Variants in ELMOD2 observed in about 807,000 individuals in gnomAD.
ELMOD2 encodes ELMO domain-containing protein 2.
Under a neutral mutation model 41.0 loss-of-function variants are expected in ELMOD2, and 28 were observed. That is an observed-to-expected ratio of 0.68 (90% confidence interval 0.51 to 0.94). The LOEUF is 0.94. Ranked by LOEUF, ELMOD2 falls within the 40% of genes least tolerant of loss-of-function variation. The pLI, the probability that ELMOD2 is intolerant of heterozygous loss-of-function variation, is 0.00. For missense variants in ELMOD2, 333 were observed against 343.1 expected (o/e 0.97, Z 0.23); for synonymous variants, 106 against 107.2 (o/e 0.99, Z 0.07).
chr4:140,547,396 T>G (rs1488682561), intron 8 of ELMOD2, among the ~76,000 whole-genome samples: 1 of 152,138 alleles, frequency 6.6e-6, no homozygotes, highest in African/African-American at 2.4e-5. Context: ...GCCATGATTC[T>G]GGGAAGTTAC....
intron 8 of ELMOD2, among the ~76,000 whole-genome samples, chr4:140,547,637 C>T (rs1735333488): frequency 6.6e-6 from 1 of 152,126 alleles, no homozygotes; most frequent in African/African-American, 2.4e-5. Context: ...CTTAAATATA[C>T]ACTTAAATGG....
Position 140,542,627 on chromosome 4 carries a change from A to G in ELMOD2, c.587A>G (p.Asn196Ser), listed in dbSNP as rs1735144974. The G allele has an allele frequency of 2.5e-6, 4 of 1,606,258 alleles. No individual in the cohort carries two copies. The East Asian group carries it at 6.7e-5, about 27-fold the overall frequency. Residue 196 changes from asparagine (N) to serine (S), a missense_variant, in exon 7 of 9, where the codon AAT becomes AGT. Coordinates refer to ENST00000323570, the MANE Select transcript of ELMOD2 (RefSeq NM_153702.4). ...GCTCATCAGATTCTTTCCCGTTCAA[A>G]TCATCCAAAATTAGGGTAAGCTGGG... ...SEAHQILSRS[N>S]HPKLGYSYAI...
chr4:140,549,148 T>G (rs1230752515), intron 8 of ELMOD2, among the ~76,000 whole-genome samples: 1 of 152,186 alleles, frequency 6.6e-6, no homozygotes. Context: ...AATCATGCAG[T>G]TTTTACTCAT....
intron 2 of ELMOD2, among the ~76,000 whole-genome samples, chr4:140,527,156 T>G (rs1191066433): frequency 6.6e-6 from 1 of 152,198 alleles, no homozygotes; most frequent in East Asian, 1.9e-4. Context: ...CCTGAGCTAC[T>G]GTGACACAAT....
chr4:140,546,059 C>CA (rs200055306), intron 8 of ELMOD2, among the ~76,000 whole-genome samples: 263 of 152,260 alleles, frequency 1.7e-3, no homozygotes, highest in African/African-American at 5.9e-3. Context: ...CGGCACTACT[C>CA]ACAATAGCAA....
At chr4:140,540,841 T>TTAC (rs1399130416) in intron 6 of ELMOD2, among the ~76,000 whole-genome samples, 1 of 152,200 alleles carries the variant, frequency 6.6e-6, no homozygotes, top group African/African-American at 2.4e-5. Flanking sequence ...TGATTTCCAT[T>TTAC]CTGATACCTC....
At chr4:140,537,779 A>G (rs964851029) in intron 5 of ELMOD2, among the ~76,000 whole-genome samples, 22 of 150,618 alleles carry the variant, frequency 1.5e-4, no homozygotes, top group African/African-American at 5.3e-4. Flanking sequence ...ATTTATATGA[A>G]TAAATATATT....
chr4:140,532,691 G>A (rs1560825657), intron 3 of ELMOD2, among the ~76,000 whole-genome samples: 1 of 152,164 alleles, frequency 6.6e-6, no homozygotes, highest in Non-Finnish European at 1.5e-5. Context: ...ATTATTGAAT[G>A]CTCACCACAT....
chr4:140,542,500 T>G, intron 6 of ELMOD2, 74 bp from the exon 7 acceptor site: 4 of 1,135,866 alleles, frequency 3.5e-6, no homozygotes, highest in Non-Finnish European at 5.1e-6. Flanking sequence ...TGACAGTAGC[T>G]TTTTAAATTG....
Position 140,542,047 on chromosome 4 carries a change from C to T in ELMOD2, c.534-527C>T, listed in dbSNP as rs572661125. On this transcript the variant is annotated intron_variant, in intron 6 of 8. Coordinates refer to ENST00000323570, the MANE Select transcript of ELMOD2 (RefSeq NM_153702.4). ...GCCTACAAATAGATAGTTTCATATACATCTCTCTTATACTGCTAATACTTC... is the reference window on the plus strand; with the variant it reads ...GCCTACAAATAGATAGTTTCATATATATCTCTCTTATACTGCTAATACTTC... Among the ~76,000 whole-genome samples, 5 of 152,098 alleles carry T rather than the reference C, an allele frequency of 3.3e-5. No homozygotes were observed. In the East Asian group the frequency reaches 5.8e-4, roughly 18 times the overall value.
chr4:140,546,347 GA>G lies in ELMOD2; in HGVS notation c.736+2762del, dbSNP rs1408165593. On this transcript the variant is annotated intron_variant, in intron 8 of 8. Transcript: ENST00000323570. ...ACCGGGGCCTGTTGTGGGGTTGGGG[GA>G]GTGGGGAGGGTTAGCATTAGGAGAT... Among the ~76,000 whole-genome samples the G allele has an allele frequency of 4.3e-3, 649 of 150,732 alleles. 3 individuals are homozygous for G. Among genetic ancestry groups the G allele is most frequent in the South Asian group, 0.014 (64 of 4,662 alleles).
At chr4:140,549,269 T>C (rs1487220531) in intron 8 of ELMOD2, among the ~76,000 whole-genome samples, 1 of 152,210 alleles carries the variant, frequency 6.6e-6, no homozygotes, top group African/African-American at 2.4e-5. Flanking sequence ...CTGAACAATA[T>C]TCCATTATAT....
rs1359702285 is a variant in ELMOD2 at position 140,525,586 on chromosome 4, A to T, written c.142+16A>T. ...CACAGGATAGGTAATGTTATTCAAA[A>T]AGAAAAAGTACTAATAAAAGTTTAA... On this transcript the variant is annotated intron_variant, in intron 2 of 8. Transcript: ENST00000323570. 1.3e-6 allele frequency: 2 copies of T among 1,586,904 alleles called. No individual in the cohort carries two copies. Among genetic ancestry groups the T allele is most frequent in the Non-Finnish European group, 1.7e-6 (2 of 1,172,014 alleles).
In ELMOD2 at chr4:140,537,521, C is replaced by G; in HGVS notation, c.379C>G (p.His127Asp). 1 of 1,598,238 alleles carries G rather than the reference C, an allele frequency of 6.3e-7. No homozygotes were observed. Among genetic ancestry groups the G allele is most frequent in the Non-Finnish European group, 8.5e-7 (1 of 1,174,056 alleles). The change falls in exon 5 of 9, where the codon CAT (histidine) becomes GAT (aspartate). Residue 127 changes from histidine to aspartate, a missense_variant. His to Asp is a moderately conservative substitution (Grantham distance 81). Coordinates refer to ENST00000323570, the MANE Select transcript of ELMOD2 (RefSeq NM_153702.4). ...KRPYDSDNLQHEELLMKLWNL... is the reference protein window; with the variant it reads ...KRPYDSDNLQDEELLMKLWNL... ...GCCATATGATTCTGATAACCTACAGCATGAAGAGCTACTCATGAAGGTAAA... is the reference window on the plus strand; with the variant it reads ...GCCATATGATTCTGATAACCTACAGGATGAAGAGCTACTCATGAAGGTAAA...
chr4:140,531,922 A>G (rs1173441460), intron 3 of ELMOD2, among the ~76,000 whole-genome samples: 1 of 152,222 alleles, frequency 6.6e-6, no homozygotes, highest in Non-Finnish European at 1.5e-5. Flanking sequence ...TCACTAGTGA[A>G]GTGTTAAACA....
At chr4:140,524,590 T>G (rs1734491216) in intron 1 of ELMOD2, 1 of 985,352 alleles carries the variant, frequency 1.0e-6, no homozygotes. Flanking sequence ...CCAGCTGTGC[T>G]ATGCGCTCTT....
At chr4:140,535,954 C>T (rs1560827734) in intron 4 of ELMOD2, 124 bp downstream of exon 4, 1 of 827,416 alleles carries the variant, frequency 1.2e-6, no homozygotes, top group Non-Finnish European at 1.8e-6. Flanking sequence ...TCAGCGCTCT[C>T]ACTTCACAAG....
rs1309424765 is a variant in ELMOD2, at chr4:140,525,487, G to A, written c.59G>A (p.Trp20Ter). The A allele has an allele frequency of 1.2e-6, 2 of 1,613,890 alleles. No homozygotes were observed. The highest frequency in any genetic ancestry group is 1.7e-6 in the Non-Finnish European group (2 of 1,179,920). ...YGHFFRFWMK[W>*]LLRQMTGKCE... ...CACTTTTTTCGATTTTGGATGAAAT[G>A]GCTATTACGACAGATGACTGGGAAG... Residue 20 changes from tryptophan (W) to a stop codon, truncating the protein, a stop_gained, in exon 2 of 9, where the codon TGG becomes TAG. Coordinates refer to ENST00000323570, the MANE Select transcript of ELMOD2 (RefSeq NM_153702.4). LOFTEE classifies it high-confidence loss of function.
In ELMOD2 at chr4:140,527,500, A is replaced by G; in HGVS notation, c.171+6A>G. The G allele has an allele frequency of 1.9e-6, 3 of 1,573,756 alleles. No homozygotes were observed. The highest frequency in any genetic ancestry group is 1.7e-6 in the Non-Finnish European group (2 of 1,165,752). On this transcript the variant is annotated splice_donor_region_variant and intron_variant, in intron 3 of 8. Transcript: ENST00000323570. ...TGACATACTCCAAGAATAAGGTAGG[A>G]TAACATAAAGGTGGTAACTCTAGAA...
Sources: gnomAD v4.1 joint callset for allele counts (sites outside exome capture counted in the v4.1 genomes callset) on GRCh38, gnomAD v4.1.1 for gene constraint, MANE v1.5 for transcripts, NCBI Gene and HGNC (gene_info 2026-07-23, HGNC 2026-07-21) for gene names.